Variants in GTPBP3 observed in about 807,000 individuals in gnomAD.
The protein encoded by GTPBP3 is GTP binding protein 3, mitochondrial, also known as 5-taurinomethyluridine-[tRNA] synthase subunit GTPB3, mitochondrial.
A neutral mutation model predicts 42.0 loss-of-function variants in GTPBP3; 35 were observed. The ratio of observed to expected loss-of-function variants is 0.83; its 90% CI spans 0.64 to 1.10. The LOEUF (loss-of-function observed/expected upper bound fraction) is 1.10, where lower values mean the gene tolerates loss of function less well. GTPBP3 is among the 50% of genes least tolerant of loss of function. The probability of loss-of-function intolerance (pLI) is 0.00; values close to 1 mark genes in which losing one functional copy is unlikely to be tolerated. For synonymous variants in GTPBP3, 332 were observed against 314.9 expected (o/e 1.05, Z -0.58); for missense variants, 691 against 685.2 (o/e 1.01, Z -0.09).
chr19:17,338,562 G>C lies in GTPBP3; in HGVS notation c.412G>C (p.Ala138Pro). 6.2e-7 allele frequency: 1 copy of C among 1,613,918 alleles called. No individual in the cohort carries two copies. Among genetic ancestry groups the C allele is most frequent in the Non-Finnish European group, 8.5e-7 (1 of 1,179,866 alleles). The part of the protein sequence containing the change: ...ALGSVPGLRP[A>P]EAGEFTRRAF... Reference sequence around the variant, plus strand: ...AGGCAGCGTGCCAGGGCTTCGACCGGCGGAGGCAGGCGAGTTCACCAGACG... The same window carrying C: ...AGGCAGCGTGCCAGGGCTTCGACCGCCGGAGGCAGGCGAGTTCACCAGACG... The change falls in exon 4 of 9, where the codon GCG (alanine) becomes CCG (proline). Residue 138 changes from alanine (A) to proline (P), a missense_variant. Ala to Pro is a conservative substitution (Grantham distance 27, BLOSUM62 -1). Coordinates refer to ENST00000324894, the MANE Select transcript of GTPBP3 (RefSeq NM_032620.4).
intron 7 of GTPBP3, among the ~76,000 whole-genome samples, chr19:17,340,593 G>A (rs2074419652): frequency 1.3e-5 from 2 of 148,960 alleles, no homozygotes; most frequent in Admixed American, 1.3e-4. Flanking sequence ...ACTCATGGTC[G>A]CCCCACTCCA....
At position 17,338,541 on chromosome 19, in the gene GTPBP3, A is replaced by C. The variant is rs1568365973; in HGVS notation, c.391A>C (p.Ser131Arg). ...VVSGVLQALG[S>R]VPGLRPAEAG... ...GTCAGACTGGGACCTTCCTGCAGGC[A>C]GCGTGCCAGGGCTTCGACCGGCGGA... Residue 131 changes from serine to arginine, a missense_variant and splice_region_variant, in exon 4 of 9, where the codon AGC becomes CGC. Physicochemically the swap from Ser to Arg is moderately radical, Grantham distance 110. Coordinates refer to ENST00000324894, the MANE Select transcript of GTPBP3 (RefSeq NM_032620.4). The C allele has an allele frequency of 6.2e-7, 1 of 1,613,528 alleles. No homozygotes were observed. Among genetic ancestry groups the C allele is most frequent in the Admixed American group, 1.7e-5 (1 of 59,992 alleles).
chr19:17,339,725 C>T, intron 7 of GTPBP3, 126 bp downstream of exon 7: 1 of 789,646 alleles, frequency 1.3e-6, no homozygotes, highest in Non-Finnish European at 1.9e-6. Context: ...GCATGGATCT[C>T]AGGGATTTGG....
At position 17,341,688 on chromosome 19, in the gene GTPBP3, C is replaced by A; in HGVS notation, c.1464C>A (p.Phe488Leu). The part of the protein sequence containing the change: ...EEILDIIFQD[F>L]CVGK ...TCCTGGACATCATCTTCCAGGACTT[C>A]TGTGTGGGCAAGTGACGGGATCCAG... The change falls in exon 9 of 9, where the codon TTC (phenylalanine) becomes TTA (leucine). Residue 488 changes from phenylalanine (F) to leucine (L), a missense_variant. Coordinates refer to ENST00000324894, the MANE Select transcript of GTPBP3 (RefSeq NM_032620.4). The A allele has an allele frequency of 6.3e-7, 1 of 1,583,604 alleles. No individual in the cohort carries two copies. The highest frequency in any genetic ancestry group is 2.3e-5 in the East Asian group (1 of 44,222).
At chr19:17,339,735 GTTC>G in intron 7 of GTPBP3, 136 bp downstream of exon 7, 45 of 763,506 alleles carry the variant, frequency 5.9e-5, no homozygotes, top group Non-Finnish European at 8.0e-5. Flanking sequence ...CAGGGATTTG[GTTC>G]TTTTTTTTTT....
At chr19:17,337,702 G>C in intron 1 of GTPBP3, 38 bp downstream of exon 1, 1 of 1,382,678 alleles carries the variant, frequency 7.2e-7, no homozygotes, top group Non-Finnish European at 9.4e-7. Flanking sequence ...AGCTTGGGGT[G>C]CTGCTTGGAC....
upstream of GTPBP3, among the ~76,000 whole-genome samples, chr19:17,335,822 C>T (rs942164066): frequency 1.7e-5 from 2 of 115,592 alleles, no homozygotes; most frequent in East Asian, 2.0e-4. Context: ...ACGCTTGTTA[C>T]AGATGTAACA....
In GTPBP3 at chr19:17,341,869, C is replaced by T; in HGVS notation, c.*166C>T. 2 of 574,232 alleles carry T rather than the reference C, an allele frequency of 3.5e-6. No individual in the cohort carries two copies. The highest frequency in any genetic ancestry group is 7.1e-5 in the Admixed American group (2 of 28,140). 35.6% of individuals were successfully genotyped at this position (574,232 alleles called of 1,614,324 possible). Reference sequence around the variant, plus strand: ...GTAGTGAGATCCCTGCAGGGACTCCCTGGAGATTCAGGCCCTGGAATGGGG... The same window carrying T: ...GTAGTGAGATCCCTGCAGGGACTCCTTGGAGATTCAGGCCCTGGAATGGGG... On this transcript the variant is annotated 3_prime_UTR_variant, in exon 9 of 9. Transcript: ENST00000324894.
At chr19:17,335,145 T>C (rs2074355951), upstream of GTPBP3, 2 of 1,534,258 alleles carry the variant, frequency 1.3e-6, no homozygotes, top group African/African-American at 2.7e-5. Flanking sequence ...AGGGAGGACG[T>C]GGGAGGGGCG....
Position 17,338,002 on chromosome 19 carries a change from T to C in GTPBP3, c.54-6T>C, listed in dbSNP as rs546720119. The C allele has an allele frequency of 1.1e-4, 175 of 1,596,564 alleles. 1 individual carries two copies. The South Asian group carries it at 1.8e-3, about 17-fold the overall frequency. On this transcript the variant is annotated splice_region_variant and splice_polypyrimidine_tract_variant and intron_variant, in intron 1 of 8. Coordinates refer to ENST00000324894, the MANE Select transcript of GTPBP3 (RefSeq NM_032620.4). Reference sequence around the variant, plus strand: ...GTGCGCTGATTCGCCTCCCCTCCGGTTCCAGATTGTGCACGCGCCGGAGCA... The same window carrying C: ...GTGCGCTGATTCGCCTCCCCTCCGGCTCCAGATTGTGCACGCGCCGGAGCA...
intron 4 of GTPBP3, 104 bp downstream of exon 4, chr19:17,338,845 C>T: frequency 1.3e-6 from 2 of 1,533,172 alleles, no homozygotes; most frequent in South Asian, 1.3e-5. Context: ...GTGAAAGCTT[C>T]CGGCCTATGA....
Position 17,339,607 on chromosome 19 carries a change from G to C in GTPBP3, c.974+8G>C. 1.9e-6 allele frequency: 3 copies of C among 1,595,748 alleles called. No individual in the cohort carries two copies. Among genetic ancestry groups the C allele is most frequent in the Non-Finnish European group, 2.6e-6 (3 of 1,175,104 alleles). ...GCGGCGCGCCCGGGAGAGGTGGGCG[G>C]ACAGGGTGGTGATGGGAGGGGAACG... On this transcript the variant is annotated splice_region_variant and intron_variant, in intron 7 of 8. Transcript: ENST00000324894.
chr19:17,337,720 C>T lies in GTPBP3; in HGVS notation c.53+56C>T. The T allele has an allele frequency of 3.6e-6, 5 of 1,406,888 alleles. No individual in the cohort carries two copies. In the South Asian group the frequency reaches 8.4e-5, roughly 24 times the overall value. 87.2% of individuals were successfully genotyped at this position (1,406,888 alleles called of 1,614,324 possible). ...TTGGGGTGCTGCTTGGACCCCAGAC[C>T]CACTCCCTGGGTTTTAGGGGCCCAA... On this transcript the variant is annotated intron_variant, in intron 1 of 8. Transcript: ENST00000324894.
At position 17,341,286 on chromosome 19, in the gene GTPBP3, G is replaced by T. The variant is rs774094357; in HGVS notation, c.1217G>T (p.Gly406Val). The stretch of plus-strand genomic sequence containing the variant: ...TGTCTGACGGGAGAGGGGCTGGACG[G>T]CCTCCTGGAGGCGCTGAGGAAGGAG... Reference protein sequence around the residue: ...LSCLTGEGLDGLLEALRKELA... With the variant: ...LSCLTGEGLDVLLEALRKELA... Residue 406 changes from glycine to valine, a missense_variant, in exon 8 of 9, where the codon GGC becomes GTC. Coordinates refer to ENST00000324894, the MANE Select transcript of GTPBP3 (RefSeq NM_032620.4). 3.7e-6 allele frequency: 6 copies of T among 1,604,476 alleles called. No homozygotes were observed. Among genetic ancestry groups the T allele is most frequent in the Non-Finnish European group, 5.1e-6 (6 of 1,179,488 alleles).
At chr19:17,337,717 G>A (rs777099928) in intron 1 of GTPBP3, 53 bp downstream of exon 1, 1 of 1,404,018 alleles carries the variant, frequency 7.1e-7, no homozygotes, top group Non-Finnish European at 9.3e-7. Flanking sequence ...TTGGACCCCA[G>A]ACCCACTCCC....
intron 1 of GTPBP3, 140 bp from the exon 2 acceptor site, chr19:17,337,868 C>A: frequency 7.8e-7 from 1 of 1,282,348 alleles, no homozygotes; most frequent in South Asian, 1.5e-5. Context: ...ACCCTTCGGC[C>A]TTCAGAACAT....
chr19:17,338,821 C>A, intron 4 of GTPBP3, 80 bp downstream of exon 4: 1 of 1,534,886 alleles, frequency 6.5e-7, no homozygotes, highest in Non-Finnish European at 8.8e-7. Flanking sequence ...CTCAATCCCG[C>A]ATTCATTCCC....
At chr19:17,340,934 ACGCTTCGCAGCTCC>A (rs2074423978) in intron 7 of GTPBP3, 96 bp from the exon 8 acceptor site, 1 of 1,255,484 alleles carries the variant, frequency 8.0e-7, no homozygotes, top group African/African-American at 1.6e-5. Flanking sequence ...TCCCGACCTC[ACGCTTCGCAGCTCC>A]CCCAGTGCTC....
rs368509733 is a variant in GTPBP3 at position 17,338,748 on chromosome 19, C to A, written c.591+7C>A. The A allele has an allele frequency of 1.1e-4, 170 of 1,600,856 alleles. 1 individual carries two copies. Among genetic ancestry groups the A allele is most frequent in the Non-Finnish European group, 1.0e-4 (117 of 1,171,572 alleles). ...GGCCGAGACCCTCACCAAAGCAAGTCCCCCATTTGTCCATTCTCTCCCTCA... is the reference window on the plus strand; with the variant it reads ...GGCCGAGACCCTCACCAAAGCAAGTACCCCATTTGTCCATTCTCTCCCTCA... On this transcript the variant is annotated splice_region_variant and intron_variant, in intron 4 of 8. Transcript: ENST00000324894.
Sources: allele counts gnomAD v4.1 joint callset (sites outside exome capture counted in the v4.1 genomes callset), GRCh38; gene constraint gnomAD v4.1.1; transcripts MANE v1.5; gene names NCBI Gene and HGNC (gene_info 2026-07-23, HGNC 2026-07-21).